RTTN: variants seen among roughly 807,000 people sequenced by gnomAD.
RTTN encodes rotatin.
Under a neutral mutation model 269.2 loss-of-function variants are expected in RTTN, and 182 were observed. That is an observed-to-expected ratio of 0.68 (90% CI 0.60 to 0.76). The LOEUF (loss-of-function observed/expected upper bound fraction) is 0.76, where lower values mean the gene tolerates loss of function less well. Ranked by LOEUF, RTTN falls within the 30% of genes least tolerant of loss-of-function variation. RTTN has a pLI of 0.00. For synonymous variants in RTTN, 1,006 were observed against 963.5 expected (o/e 1.04, Z -0.82); for missense variants, 2,545 against 2,608.6 (o/e 0.98, Z 0.53).
At chr18:70,082,867 A>AT (rs1480727648) in intron 32 of RTTN, among the ~76,000 whole-genome samples, 2 of 151,630 alleles carry the variant, frequency 1.3e-5, no homozygotes, top group Non-Finnish European at 2.9e-5. Flanking sequence ...AATTTTTAAA[A>AT]TTTTTTTTAG....
intron 14 of RTTN, among the ~76,000 whole-genome samples, chr18:70,153,154 A>T (rs149648107): frequency 6.6e-6 from 1 of 152,128 alleles, no homozygotes; most frequent in East Asian, 1.9e-4. Context: ...GTCATTCTCT[A>T]GTCCTTTATC....
At chr18:70,027,152 C>G (rs1204837462) in intron 43 of RTTN, among the ~76,000 whole-genome samples, 1 of 152,170 alleles carries the variant, frequency 6.6e-6, no homozygotes. Flanking sequence ...TCCGTCTAAC[C>G]TTGTCCACTG....
rs910619294 is a variant in RTTN at position 70,115,384 on chromosome 18, TA to T, written c.3529-786del. On this transcript the variant is annotated intron_variant, in intron 26 of 48. Coordinates refer to ENST00000640769, the MANE Select transcript of RTTN (RefSeq NM_173630.4). ...CTAAAGTTTTTCCTCTTTTCCCAAC[TA>T]AAAAAAAAATAGATAAAGGAATATA... 3.2e-3 allele frequency among the ~76,000 whole-genome samples: 462 copies of T among 145,882 alleles called. 5 individuals carry two copies. The highest frequency in any genetic ancestry group is 0.011 in the African/African-American group (433 of 40,058).
At chr18:70,195,799 C>G (rs962272037) in intron 7 of RTTN, among the ~76,000 whole-genome samples, 5 of 152,150 alleles carry the variant, frequency 3.3e-5, no homozygotes, top group African/African-American at 9.7e-5. Context: ...TCTCTATTAC[C>G]AGTCATTTGT....
intron 22 of RTTN, 70 bp from the exon 23 acceptor site, chr18:70,134,611 C>A: frequency 9.7e-7 from 1 of 1,027,838 alleles, no homozygotes. Flanking sequence ...ACAAATACAA[C>A]TTACCTCACT....
chr18:70,064,628 C>T (rs1295103893), intron 35 of RTTN, among the ~76,000 whole-genome samples: 1 of 152,006 alleles, frequency 6.6e-6, no homozygotes, highest in Non-Finnish European at 1.5e-5. Flanking sequence ...ATGTCCAAAA[C>T]GGGCAAATCT....
intron 32 of RTTN, among the ~76,000 whole-genome samples, chr18:70,086,137 C>T (rs969349943): frequency 1.3e-5 from 2 of 152,104 alleles, no homozygotes; most frequent in African/African-American, 4.8e-5. Flanking sequence ...AACATCAACA[C>T]ATATTTAACT....
At chr18:70,124,117 A>G (rs2145583351) in intron 25 of RTTN, among the ~76,000 whole-genome samples, 1 of 152,132 alleles carries the variant, frequency 6.6e-6, no homozygotes, top group South Asian at 2.1e-4. Flanking sequence ...GGGGGAATAG[A>G]GAAGAAATTA....
intron 10 of RTTN, among the ~76,000 whole-genome samples, chr18:70,183,067 C>T (rs1568529259): frequency 6.6e-6 from 1 of 152,118 alleles, no homozygotes; most frequent in Non-Finnish European, 1.5e-5. Context: ...ATAACAAGGA[C>T]ATCTCCTGTC....
At chr18:70,135,340 A>C in intron 21 of RTTN, 60 bp from the exon 22 acceptor site, 1 of 963,556 alleles carries the variant, frequency 1.0e-6, no homozygotes, top group Non-Finnish European at 1.6e-6. Flanking sequence ...AATGAACTTC[A>C]AATTTAAAAT....
chr18:70,115,736 A>T lies in RTTN; in HGVS notation c.3529-1137T>A, dbSNP rs187963155. On this transcript the variant is annotated intron_variant, in intron 26 of 48. Coordinates refer to ENST00000640769, the MANE Select transcript of RTTN (RefSeq NM_173630.4). ...TGTCACATCACTAGTGCATGTAAAA[A>T]CATACAAAAAGAGATACAATCAAAA... Among the ~76,000 whole-genome samples, 28 of 152,144 alleles carry T rather than the reference A, an allele frequency of 1.8e-4. 1 individual carries two copies. Among genetic ancestry groups the T allele is most frequent in the African/African-American group, 6.0e-4 (25 of 41,566 alleles).
intron 18 of RTTN, among the ~76,000 whole-genome samples, chr18:70,145,167 A>G (rs565557145): frequency 2.1e-4 from 32 of 152,252 alleles, no homozygotes; most frequent in African/African-American, 7.5e-4. Context: ...GAATTTAACT[A>G]ATGTCTGATG....
chr18:70,149,541 T>TAAA (rs775398738), intron 16 of RTTN, among the ~76,000 whole-genome samples: 154 of 147,790 alleles, frequency 1.0e-3, no homozygotes, highest in African/African-American at 2.5e-3. Context: ...ATTGCTTTTT[T>TAAA]AAAAAAAAAA....
At chr18:70,196,759 G>T in intron 6 of RTTN, 111 bp from the exon 7 acceptor site, 2 of 1,075,270 alleles carry the variant, frequency 1.9e-6, no homozygotes, top group Non-Finnish European at 2.7e-6. Flanking sequence ...GAGAAAATAA[G>T]TTGCCAAATA....
chr18:70,062,608 C>CTT (rs34842071), intron 35 of RTTN, among the ~76,000 whole-genome samples: 1 of 61,796 alleles, frequency 1.6e-5, no homozygotes, highest in African/African-American at 4.3e-5. Flanking sequence ...ATCCTCCCCT[C>CTT]TTTTTTTTTT....
At chr18:70,055,849 C>A (rs535851142) in intron 37 of RTTN, among the ~76,000 whole-genome samples, 1 of 152,080 alleles carries the variant, frequency 6.6e-6, no homozygotes, top group Non-Finnish European at 1.5e-5. Flanking sequence ...AAAATACCAA[C>A]CAACTGACCA....
At chr18:70,116,483 T>C (rs1000528595) in intron 26 of RTTN, among the ~76,000 whole-genome samples, 2 of 151,956 alleles carry the variant, frequency 1.3e-5, no homozygotes, top group Non-Finnish European at 2.9e-5. Context: ...ACCTCAGCAA[T>C]ACCACTTGTA....
At chr18:70,184,708 T>TGTGTGTGTGTGTGTG (rs1346425275) in intron 10 of RTTN, among the ~76,000 whole-genome samples, 2 of 58,604 alleles carry the variant, frequency 3.4e-5, no homozygotes, top group African/African-American at 1.4e-4. Flanking sequence ...AGCAGGTTTT[T>TGTGTGTGTGTGTGTG]TTTTTTTTTG....
chr18:70,087,811 A>G (rs2058740305), intron 31 of RTTN, among the ~76,000 whole-genome samples, 178 bp downstream of exon 31: 1 of 152,186 alleles, frequency 6.6e-6, no homozygotes, highest in Non-Finnish European at 1.5e-5. Context: ...GAAGGACTCC[A>G]GTTTTTCCTG....
Sources: gnomAD v4.1 joint callset for allele counts (sites outside exome capture counted in the v4.1 genomes callset) on GRCh38, gnomAD v4.1.1 for gene constraint, MANE v1.5 for transcripts, NCBI Gene and HGNC (gene_info 2026-07-23, HGNC 2026-07-21) for gene names.